NUP133: variants seen among roughly 807,000 people sequenced by gnomAD.
NUP133 encodes nucleoporin 133, also known as nuclear pore complex protein Nup133.
In NUP133, 66 loss-of-function variants were observed where a neutral mutation model predicts 146.2. That is an observed-to-expected ratio of 0.45 (90% CI 0.37 to 0.55). NUP133 has a LOEUF of 0.55. NUP133 is among the 20% of genes least tolerant of loss of function. The pLI is 0.00. For missense variants in NUP133, 1,277 were observed against 1,374.8 expected, an observed-to-expected ratio of 0.93 and a Z score of 1.12; for synonymous variants, 521 against 498.8, an observed-to-expected ratio of 1.04 and a Z score of -0.59.
At chr1:229,461,702 T>C (rs1480688871) in intron 19 of NUP133, among the ~76,000 whole-genome samples, 1 of 152,054 alleles carries the variant, frequency 6.6e-6, no homozygotes, top group Non-Finnish European at 1.5e-5. Flanking sequence ...GACTCAAAGA[T>C]GATCAGAGTA....
At chr1:229,477,025 G>A (rs1302194217) in intron 13 of NUP133, among the ~76,000 whole-genome samples, 3 of 152,020 alleles carry the variant, frequency 2.0e-5, no homozygotes, top group East Asian at 1.9e-4. Context: ...TAAAAGCCAG[G>A]AAAGCTAAGT....
At chr1:229,484,011 C>A in intron 12 of NUP133, 43 bp downstream of exon 12, 1 of 1,366,230 alleles carries the variant, frequency 7.3e-7, no homozygotes, top group South Asian at 1.2e-5. Flanking sequence ...TAAAACATAT[C>A]CTCACACATA....
At chr1:229,505,277 G>C (rs1253677505) in intron 2 of NUP133, among the ~76,000 whole-genome samples, 4 of 151,688 alleles carry the variant, frequency 2.6e-5, no homozygotes, top group Non-Finnish European at 5.9e-5. Context: ...TAGTGCTGCT[G>C]GTATATTGTT....
intron 21 of NUP133, among the ~76,000 whole-genome samples, chr1:229,454,832 C>CT (rs1192686916): frequency 1.3e-5 from 2 of 152,112 alleles, no homozygotes; most frequent in African/African-American, 2.4e-5. Context: ...TATAAACACA[C>CT]TTTTTTTAGA....
At chr1:229,464,936 G>A in intron 17 of NUP133, 61 bp from the exon 18 acceptor site, 7 of 1,578,054 alleles carry the variant, frequency 4.4e-6, no homozygotes, top group Non-Finnish European at 6.0e-6. Flanking sequence ...CTAAAGGAAA[G>A]ACTAATAGCA....
At chr1:229,493,118 C>A (rs1480830995) in intron 8 of NUP133, among the ~76,000 whole-genome samples, 11 of 152,024 alleles carry the variant, frequency 7.2e-5, no homozygotes, top group Non-Finnish European at 1.6e-4. Context: ...AACTTTATAT[C>A]TAAAATGAAG....
chr1:229,508,163 G>A lies in NUP133; in HGVS notation c.87C>T (p.Pro29=), dbSNP rs747464090. 84 of 1,594,678 alleles carry A rather than the reference G, an allele frequency of 5.3e-5. No homozygotes were observed. The East Asian group carries it at 9.7e-4, about 19-fold the overall frequency. ...PLAGLGPGST[P]RTASRKGLPL... is the part of the protein sequence containing the mutation. ...GCAGACCCTTCCTGCTAGCCGTCCG[G>A]GGCGTGGAGCCGGGCCCGAGTCCGG... is the stretch of plus-strand genomic sequence containing the variant. The change falls in exon 1 of 26, where the codon CCC becomes CCT. Residue 29 remains proline, a synonymous_variant. Transcript: ENST00000261396.
rs200292374 is a variant in NUP133 at position 229,495,901 on chromosome 1, A to G, written c.966T>C (p.Asp322=). The G allele has an allele frequency of 1.4e-4, 221 of 1,592,462 alleles. 1 individual carries two copies. In the Middle Eastern group the frequency reaches 1.8e-3, roughly 13 times the overall value. Residue 322 remains aspartate, a synonymous_variant, in exon 7 of 26, where the codon GAT becomes GAC. Transcript: ENST00000261396. The part of the protein sequence containing the change: ...INRALKENIT[D]AIWGSESNYE... ...TATTATTGTTTCTTACCCAAATAGC[A>G]TCGGTAATGTTTTCCTTCAGGGCTC...
chr1:229,489,520 A>G (rs1249746891), intron 9 of NUP133, among the ~76,000 whole-genome samples: 2 of 152,236 alleles, frequency 1.3e-5, no homozygotes, highest in Admixed American at 6.5e-5. Flanking sequence ...CAATGTCTAG[A>G]AACAAGCTAT....
chr1:229,456,723 T>C (rs1660567107), intron 21 of NUP133, among the ~76,000 whole-genome samples: 1 of 148,240 alleles, frequency 6.7e-6, no homozygotes, highest in African/African-American at 2.6e-5. Context: ...ATAGATAAAA[T>C]GTATATATAT....
chr1:229,456,245 G>A (rs970587458), intron 21 of NUP133, among the ~76,000 whole-genome samples: 5 of 152,120 alleles, frequency 3.3e-5, no homozygotes, highest in Middle Eastern at 3.2e-3. Flanking sequence ...CCAAAACCAC[G>A]GGAATATCCT....
intron 21 of NUP133, among the ~76,000 whole-genome samples, chr1:229,455,451 C>T (rs368757409): frequency 6.6e-5 from 10 of 152,268 alleles, no homozygotes; most frequent in Middle Eastern, 3.4e-3. Context: ...GTCCCAGCTA[C>T]TGGGGAGGCT....
In NUP133 at chr1:229,497,898, T is replaced by C. The variant is rs941907677; in HGVS notation, c.819+238A>G. Among the ~76,000 whole-genome samples, 18 of 152,352 alleles carry C rather than the reference T, an allele frequency of 1.2e-4. No individual in the cohort carries two copies. In the South Asian group the frequency reaches 1.4e-3, roughly 12 times the overall value. On this transcript the variant is annotated intron_variant, in intron 6 of 25. Coordinates refer to ENST00000261396, the MANE Select transcript of NUP133 (RefSeq NM_018230.3). Reference sequence around the variant, plus strand: ...TTATATTTTACATAATAGTTTTAGTTCAAAAAATGTACTTGTGAGATAATC... The same window carrying C: ...TTATATTTTACATAATAGTTTTAGTCCAAAAAATGTACTTGTGAGATAATC...
At chr1:229,468,142 G>A (rs1210031938) in intron 15 of NUP133, among the ~76,000 whole-genome samples, 2 of 152,156 alleles carry the variant, frequency 1.3e-5, no homozygotes, top group Non-Finnish European at 2.9e-5. Flanking sequence ...ACTGGAGACA[G>A]AGTCAAAGTG....
rs1282713989 is a variant in NUP133 at position 229,506,174 on chromosome 1, T to A, written c.183-16A>T. ...TGGTGTTCCCCTAAAGAAAAGAGTC[T>A]ATATTACCTTACTTGTAACTTAAAA... is the stretch of plus-strand genomic sequence containing the variant. On this transcript the variant is annotated splice_polypyrimidine_tract_variant and intron_variant, in intron 1 of 25. Coordinates refer to ENST00000261396, the MANE Select transcript of NUP133 (RefSeq NM_018230.3). 2 of 1,395,344 alleles carry A rather than the reference T, an allele frequency of 1.4e-6. No individual in the cohort carries two copies. The highest frequency in any genetic ancestry group is 2.0e-6 in the Non-Finnish European group (2 of 997,804). 86.4% of individuals were successfully genotyped at this position (1,395,344 alleles called of 1,614,324 possible). A position where few individuals can be genotyped will look rare whatever the true frequency, so the allele number is the denominator to read the frequency against.
At chr1:229,477,802 A>G in intron 12 of NUP133, 42 bp from the exon 13 acceptor site, 1 of 1,487,204 alleles carries the variant, frequency 6.7e-7, no homozygotes, top group Non-Finnish European at 9.1e-7. Context: ...GGGAGGCAAA[A>G]TATTTTCAAA....
rs376085912 is a variant in NUP133, at chr1:229,477,717, A to C, written c.1636T>G (p.Ser546Ala). The change falls in exon 13 of 26, where the codon TCC (serine) becomes GCC (alanine). Residue 546 changes from serine to alanine, a missense_variant. This residue lies in a region of NUP133 where 952 missense variants were observed against 1,047.0 expected (regional missense o/e 0.91). Coordinates refer to ENST00000261396, the MANE Select transcript of NUP133 (RefSeq NM_018230.3). The stretch of plus-strand genomic sequence containing the variant: ...TCAGAATCCAAATCAGAGTGAGAGG[A>C]AAAGAGCTCATCAACCACCATTTGA... ...HAQMVVDELF[S>A]SHSDLDSDSE... 7 of 1,613,642 alleles carry C rather than the reference A, an allele frequency of 4.3e-6. No individual in the cohort carries two copies. Among genetic ancestry groups the C allele is most frequent in the African/African-American group, 2.7e-5 (2 of 74,890 alleles).
At chr1:229,452,421 C>A (rs1374471803) in intron 22 of NUP133, 104 bp downstream of exon 22, 9 of 758,884 alleles carry the variant, frequency 1.2e-5, no homozygotes, top group Non-Finnish European at 1.4e-5. Flanking sequence ...GGAAGGTAGG[C>A]AGTAGAACAA....
rs373213560 is a variant in NUP133 at position 229,460,547 on chromosome 1, C to G, written c.2844+64G>C. On this transcript the variant is annotated intron_variant, in intron 20 of 25. Transcript: ENST00000261396. ...TAAACAGTATTTTAATTACTAAAAA[C>G]AAAACTAATTAAAACTACCTAAATA... is the stretch of plus-strand genomic sequence containing the variant. 7.5e-5 allele frequency: 113 copies of G among 1,502,928 alleles called. No individual in the cohort carries two copies. In the African/African-American group the frequency reaches 1.2e-3, roughly 15 times the overall value. 93.1% of individuals were successfully genotyped at this position (1,502,928 alleles called of 1,614,324 possible). A position where few individuals can be genotyped will look rare whatever the true frequency, so the allele number is the denominator to read the frequency against.
Sources: allele counts gnomAD v4.1 joint callset (sites outside exome capture counted in the v4.1 genomes callset), GRCh38; gene constraint gnomAD v4.1.1; regional missense constraint gnomAD v4.1.1; transcripts MANE v1.5; gene names NCBI Gene and HGNC (gene_info 2026-07-23, HGNC 2026-07-21).